Variants in PALLD observed in about 807,000 individuals in gnomAD.
PALLD encodes the protein palladin.
A neutral mutation model predicts 123.5 loss-of-function variants in PALLD; 61 were observed. The observed-to-expected ratio is 0.49, with a 90% confidence interval of 0.40 to 0.61. The LOEUF (loss-of-function observed/expected upper bound fraction) is 0.61, where lower values mean the gene tolerates loss of function less well. PALLD is among the 20% of genes least tolerant of loss of function. PALLD has a pLI of 0.00. For synonymous variants in PALLD, 465 were observed against 496.4 expected, an observed-to-expected ratio of 0.94 and a Z score of 0.84; for missense variants, 1,273 against 1,377.0, an observed-to-expected ratio of 0.92 and a Z score of 1.20.
chr4:168,661,281 A>G (rs1159575823), intron 2 of PALLD, among the ~76,000 whole-genome samples: 2 of 152,184 alleles, frequency 1.3e-5, no homozygotes, highest in African/African-American at 2.4e-5. Flanking sequence ...CCTTATGTCT[A>G]CAATTGGATT....
At chr4:168,669,868 C>T (rs1225390443) in intron 3 of PALLD, among the ~76,000 whole-genome samples, 1 of 151,818 alleles carries the variant, frequency 6.6e-6, no homozygotes, top group Non-Finnish European at 1.5e-5. Context: ...TATTAGTGTT[C>T]CTTTTTTATA....
chr4:168,816,992 A>C (rs1742066334), intron 10 of PALLD, among the ~76,000 whole-genome samples: 2 of 152,240 alleles, frequency 1.3e-5, no homozygotes, highest in Admixed American at 1.3e-4. Context: ...GTGCTGAAGT[A>C]TTTCAGAATA....
At chr4:168,798,308 T>A (rs1266145293) in intron 10 of PALLD, among the ~76,000 whole-genome samples, 2 of 152,178 alleles carry the variant, frequency 1.3e-5, no homozygotes, top group African/African-American at 4.8e-5. Context: ...TTAAATTATA[T>A]GTAAAGGAAT....
At chr4:168,615,212 G>A (rs973100970) in intron 2 of PALLD, among the ~76,000 whole-genome samples, 4 of 150,526 alleles carry the variant, frequency 2.7e-5, no homozygotes, top group African/African-American at 9.8e-5. Flanking sequence ...TCATACAAAA[G>A]GTACTAAGAA....
intron 2 of PALLD, among the ~76,000 whole-genome samples, chr4:168,556,395 A>G (rs1348834546): frequency 3.3e-5 from 5 of 152,156 alleles, no homozygotes; most frequent in African/African-American, 4.8e-5. Context: ...GCGCCCGGCC[A>G]TATTAATACC....
At chr4:168,808,058 C>T (rs551769694) in intron 10 of PALLD, among the ~76,000 whole-genome samples, 103 of 151,534 alleles carry the variant, frequency 6.8e-4, no homozygotes, top group Non-Finnish European at 1.3e-3. Context: ...AGCAGTTCAG[C>T]GGGAAAAACA....
chr4:168,922,102 T>TAC (rs35503011), intron 18 of PALLD, among the ~76,000 whole-genome samples: 11,052 of 132,284 alleles, frequency 0.084, 492 homozygotes, highest in African/African-American at 0.12. Flanking sequence ...TATATATATA[T>TAC]ACACACACAC....
intron 2 of PALLD, among the ~76,000 whole-genome samples, chr4:168,552,000 A>G (rs913222374): frequency 6.6e-5 from 10 of 152,086 alleles, no homozygotes; most frequent in Admixed American, 3.3e-4. Context: ...TTGAGGTACT[A>G]CTCCACAAGG....
intron 10 of PALLD, among the ~76,000 whole-genome samples, chr4:168,830,932 C>A (rs1014108550): frequency 2.0e-5 from 3 of 152,216 alleles, no homozygotes; most frequent in Admixed American, 1.3e-4. Flanking sequence ...GACCACGTTA[C>A]CGAAACAGCC....
At chr4:168,757,904 C>G (rs1035199573) in intron 10 of PALLD, among the ~76,000 whole-genome samples, 1 of 152,188 alleles carries the variant, frequency 6.6e-6, no homozygotes. Context: ...AAACCTGTCT[C>G]TGCTAAAAAT....
At chr4:168,647,151 G>A (rs921700011) in intron 2 of PALLD, among the ~76,000 whole-genome samples, 1 of 152,114 alleles carries the variant, frequency 6.6e-6, no homozygotes, top group African/African-American at 2.4e-5. Flanking sequence ...CACTATGAAA[G>A]GGATCAAACA....
At chr4:168,859,788 C>T (rs1314685442) in intron 10 of PALLD, among the ~76,000 whole-genome samples, 1 of 152,098 alleles carries the variant, frequency 6.6e-6, no homozygotes, top group Non-Finnish European at 1.5e-5. Flanking sequence ...GAATGTGAAC[C>T]ACCACAATGA....
chr4:168,832,145 C>T, intron 10 of PALLD: 1 of 985,588 alleles, frequency 1.0e-6, no homozygotes, highest in Non-Finnish European at 1.2e-6. Flanking sequence ...AATCGGGCAG[C>T]AGCGGGAGGC....
intron 10 of PALLD, among the ~76,000 whole-genome samples, chr4:168,776,971 A>G (rs1348990447): frequency 1.3e-5 from 2 of 152,100 alleles, no homozygotes; most frequent in Non-Finnish European, 2.9e-5. Flanking sequence ...ACTAAGCTCT[A>G]GCTACGGTAG....
chr4:168,830,171 G>A (rs1176701611), intron 10 of PALLD, among the ~76,000 whole-genome samples: 2 of 149,670 alleles, frequency 1.3e-5, no homozygotes, highest in African/African-American at 5.0e-5. Context: ...GGTGGAGGTT[G>A]CAGTGAGCCG....
chr4:168,538,971 A>T (rs1275689270), intron 2 of PALLD, among the ~76,000 whole-genome samples: 1 of 152,204 alleles, frequency 6.6e-6, no homozygotes, highest in Non-Finnish European at 1.5e-5. Context: ...CCCAGCCCCT[A>T]AAAAGGCTGA....
chr4:168,785,846 G>GAGAT (rs764117358), intron 10 of PALLD, among the ~76,000 whole-genome samples: 9 of 80,920 alleles, frequency 1.1e-4, no homozygotes, highest in East Asian at 5.6e-4. Flanking sequence ...AAACTGTAGA[G>GAGAT]ATATATATAT....
Position 168,921,625 on chromosome 4 carries a change from A to G in PALLD, c.2942A>G (p.Asn981Ser). The G allele has an allele frequency of 6.2e-7, 1 of 1,610,940 alleles. No individual in the cohort carries two copies. Among genetic ancestry groups the G allele is most frequent in the African/African-American group, 1.4e-5 (1 of 73,944 alleles). Residue 981 changes from asparagine (N) to serine (S), a missense_variant, in exon 18 of 22, where the codon AAC (asparagine) becomes AGC (serine). Asn to Ser is a conservative substitution (Grantham distance 46, BLOSUM62 1). Coordinates refer to ENST00000505667, the MANE Select transcript of PALLD (RefSeq NM_001166108.2). ...GCTCACAAGATGCTGGTGCGTGAGA[A>G]CGGGGTGCACTCTCTGATCATAGAG... ...DSAHKMLVRE[N>S]GVHSLIIEPV...
Position 168,652,770 on chromosome 4 carries a change from T to G in PALLD, c.909-15420T>G, listed in dbSNP as rs116230471. On this transcript the variant is annotated intron_variant, in intron 2 of 21. Coordinates refer to ENST00000505667, the MANE Select transcript of PALLD (RefSeq NM_001166108.2). ...CAAACAGGGAAACATCATAGTATTTTTGTGTGTGTGTGCTGAATCTAAGCT... is the reference window on the plus strand; with the variant it reads ...CAAACAGGGAAACATCATAGTATTTGTGTGTGTGTGTGCTGAATCTAAGCT... Among the ~76,000 whole-genome samples, 371 of 152,292 alleles carry G rather than the reference T, an allele frequency of 2.4e-3. 2 individuals are homozygous for G. The highest frequency in any genetic ancestry group is 8.3e-3 in the African/African-American group (344 of 41,558).
Sources: gnomAD v4.1 joint callset for allele counts (sites outside exome capture counted in the v4.1 genomes callset) on GRCh38, gnomAD v4.1.1 for gene constraint, MANE v1.5 for transcripts, NCBI Gene and HGNC (gene_info 2026-07-23, HGNC 2026-07-21) for gene names.